Variants in RYR3 observed in about 807,000 individuals in gnomAD.
RYR3 encodes the protein ryanodine receptor 3.
A neutral mutation model predicts 584.3 loss-of-function variants in RYR3; 207 were observed. The observed-to-expected ratio is 0.35, with a 90% CI of 0.32 to 0.40. RYR3 has a LOEUF of 0.40. RYR3 is among the 10% of genes least tolerant of loss of function. The pLI is 1.00. For missense variants in RYR3, 5,616 were observed against 6,089.2 expected, an observed-to-expected ratio of 0.92 and a Z score of 2.59; for synonymous variants, 2,416 against 2,248.5, an observed-to-expected ratio of 1.07 and a Z score of -2.11.
chr15:33,504,187 C>T (rs779658810), intron 3 of RYR3, among the ~76,000 whole-genome samples: 15 of 152,196 alleles, frequency 9.9e-5, no homozygotes, highest in Admixed American at 7.2e-4. Flanking sequence ...GAGTCTTTGA[C>T]ATGTGTCCAG....
intron 1 of RYR3, among the ~76,000 whole-genome samples, chr15:33,431,261 G>C (rs2045117221): frequency 6.6e-6 from 1 of 152,188 alleles, no homozygotes; most frequent in African/African-American, 2.4e-5. Context: ...TTATGGAGCA[G>C]CTAAACAGAA....
intron 94 of RYR3, chr15:33,852,760 T>C: frequency 3.1e-6 from 1 of 323,752 alleles, no homozygotes; most frequent in Non-Finnish European, 5.8e-6. Context: ...CAACTGTCTC[T>C]GTCTAATCTG....
intron 67 of RYR3, 39 bp downstream of exon 67, chr15:33,788,497 T>TG: frequency 6.2e-7 from 1 of 1,601,926 alleles, no homozygotes. Flanking sequence ...TGCCCCTCTG[T>TG]GGGGCTAGTT....
chr15:33,821,122 G>A, intron 78 of RYR3, 148 bp from the exon 79 acceptor site: 1 of 645,970 alleles, frequency 1.5e-6, no homozygotes, highest in Non-Finnish European at 2.7e-6. Flanking sequence ...GCTAGTGTCT[G>A]GAAATAAACT....
chr15:33,455,072 A>G (rs1013192191), intron 1 of RYR3, among the ~76,000 whole-genome samples: 3 of 152,184 alleles, frequency 2.0e-5, no homozygotes, highest in South Asian at 2.1e-4. Flanking sequence ...TAAACTAGGG[A>G]AACAGCAGTG....
chr15:33,367,121 A>C (rs1422012781), intron 1 of RYR3, among the ~76,000 whole-genome samples: 2 of 152,232 alleles, frequency 1.3e-5, no homozygotes, highest in Non-Finnish European at 2.9e-5. Context: ...CTATAAGTAA[A>C]TTATTTTCAG....
At chr15:33,816,799 C>T in intron 74 of RYR3, 63 bp from the exon 75 acceptor site, 1 of 1,108,874 alleles carries the variant, frequency 9.0e-7, no homozygotes, top group East Asian at 2.5e-5. Context: ...CCATTAACTG[C>T]CCAAACTAAA....
intron 49 of RYR3, among the ~76,000 whole-genome samples, chr15:33,737,785 C>A (rs2069639704): frequency 6.6e-6 from 1 of 152,172 alleles, no homozygotes; most frequent in African/African-American, 2.4e-5. Context: ...TTATTGATAT[C>A]ACTCAATAAG....
At chr15:33,400,916 A>G (rs2042619716) in intron 1 of RYR3, among the ~76,000 whole-genome samples, 1 of 152,222 alleles carries the variant, frequency 6.6e-6, no homozygotes. Context: ...AATCATACTG[A>G]CCTAAAGTCA....
intron 47 of RYR3, among the ~76,000 whole-genome samples, chr15:33,730,630 CACAGGAAAT>C (rs2068868605): frequency 6.6e-6 from 1 of 152,136 alleles, no homozygotes; most frequent in Admixed American, 6.5e-5. Context: ...CTGCAGGAAT[CACAGGAAAT>C]GGCAATATTT....
intron 1 of RYR3, among the ~76,000 whole-genome samples, chr15:33,370,225 G>T (rs893228071): frequency 7.9e-5 from 12 of 152,072 alleles, no homozygotes; most frequent in Admixed American, 6.5e-4. Context: ...TCCAAAAAAG[G>T]CTATTATTTC....
At chr15:33,665,739 C>G (rs186126945) in intron 36 of RYR3, among the ~76,000 whole-genome samples, 3 of 152,346 alleles carry the variant, frequency 2.0e-5, no homozygotes, top group Admixed American at 2.0e-4. Context: ...TAGTTCCTGA[C>G]AAAACAGCAT....
intron 19 of RYR3, among the ~76,000 whole-genome samples, chr15:33,614,454 A>C (rs1242098437): frequency 6.6e-6 from 1 of 152,114 alleles, no homozygotes; most frequent in Non-Finnish European, 1.5e-5. Context: ...ATTAATTTTT[A>C]CTGTTATTTG....
chr15:33,738,856 C>A (rs535659963), intron 50 of RYR3, among the ~76,000 whole-genome samples: 64 of 152,292 alleles, frequency 4.2e-4, no homozygotes, highest in African/African-American at 1.5e-3. Flanking sequence ...AGAGTGAATT[C>A]CACACAGATC....
intron 3 of RYR3, among the ~76,000 whole-genome samples, chr15:33,510,574 C>T (rs973336041): frequency 2.0e-5 from 3 of 151,508 alleles, no homozygotes; most frequent in African/African-American, 7.3e-5. Context: ...AAGCACTAAG[C>T]ATTGAGTACA....
At chr15:33,568,940 A>T (rs2057867099) in intron 12 of RYR3, among the ~76,000 whole-genome samples, 2 of 152,170 alleles carry the variant, frequency 1.3e-5, no homozygotes, top group Non-Finnish European at 2.9e-5. Flanking sequence ...TTGTCTTTTG[A>T]ATCTGGCCTT....
At chr15:33,743,623 A>C (rs1596391040) in intron 52 of RYR3, among the ~76,000 whole-genome samples, 1 of 152,072 alleles carries the variant, frequency 6.6e-6, no homozygotes, top group Admixed American at 6.5e-5. Context: ...GAGAAGAGTC[A>C]CCTCCAGGAG....
In RYR3 at chr15:33,737,409, T is replaced by C. The variant is rs1048932148; in HGVS notation, c.7516-1041T>C. Among the ~76,000 whole-genome samples the C allele has an allele frequency of 5.3e-5, 8 of 152,350 alleles. 1 individual carries two copies. Among genetic ancestry groups the C allele is most frequent in the Middle Eastern group, 6.8e-3 (2 of 294 alleles). On this transcript the variant is annotated intron_variant, in intron 49 of 103. Transcript: ENST00000634891. ...TTTTACCTTTTATCTCTGAGGCACC[T>C]GCCATATTCCCATATGCAAAAGTGT... is the stretch of plus-strand genomic sequence containing the variant.
In RYR3 at chr15:33,859,715, G is replaced by A; in HGVS notation, c.14283G>A (p.Leu4761=). Residue 4761 remains leucine, a synonymous_variant, in exon 100 of 104, where the codon TTG becomes TTA. Transcript: ENST00000634891. ...TTTTCTTCTTCGTCATTGTCATCTTGCTGGCCATCATTCAAGGTATGATTG... is the reference window on the plus strand; with the variant it reads ...TTTTCTTCTTCGTCATTGTCATCTTACTGGCCATCATTCAAGGTATGATTG... ...ITFFFFVIVI[L]LAIIQGLIID... is the part of the protein sequence containing the mutation. 6.2e-7 allele frequency: 1 copy of A among 1,609,904 alleles called. No homozygotes were observed. Among genetic ancestry groups the A allele is most frequent in the South Asian group, 1.1e-5 (1 of 90,312 alleles).
Sources: allele counts gnomAD v4.1 joint callset (sites outside exome capture counted in the v4.1 genomes callset), GRCh38; gene constraint gnomAD v4.1.1; transcripts MANE v1.5; gene names NCBI Gene and HGNC (gene_info 2026-07-23, HGNC 2026-07-21).